The following SERPINA9 variants were observed in gnomAD, a reference collection of about 807,000 sequenced individuals.
The protein encoded by SERPINA9 is serpin family A member 9, also known as serpin A9.
SERPINA9 carries 32 observed loss-of-function variants against 24.5 expected under a neutral mutation model. That is an observed-to-expected ratio of 1.30 (90% CI 0.98 to 1.75). The LOEUF (loss-of-function observed/expected upper bound fraction) is 1.75. SERPINA9 is among the 40% of genes most tolerant of loss of function. The pLI is 0.00. For missense variants in SERPINA9, 594 were observed against 497.1 expected, an observed-to-expected ratio of 1.19 and a Z score of -1.85; for synonymous variants, 233 against 197.7, an observed-to-expected ratio of 1.18 and a Z score of -1.50.
chr14:94,468,727 T>A (rs1233324770), intron 2 of SERPINA9, among the ~76,000 whole-genome samples: 1 of 152,224 alleles, frequency 6.6e-6, no homozygotes, highest in African/African-American at 2.4e-5. Flanking sequence ...TATGCAGTTA[T>A]ATATGAAGGA....
intron 3 of SERPINA9, among the ~76,000 whole-genome samples, chr14:94,465,887 G>A (rs1898981170): frequency 6.6e-6 from 1 of 152,114 alleles, no homozygotes; most frequent in South Asian, 2.1e-4. Flanking sequence ...TTTTAAAGAC[G>A]GTAAAGCTTA....
chr14:94,463,429 A>C (rs1410411288), intron 4 of SERPINA9, 133 bp from the exon 5 acceptor site: 1 of 751,254 alleles, frequency 1.3e-6, no homozygotes, highest in African/African-American at 1.7e-5. Flanking sequence ...AATGCCTGGC[A>C]TTGGGTTTAC....
chr14:94,463,943 G>T (rs1898864797), intron 4 of SERPINA9, among the ~76,000 whole-genome samples: 1 of 152,124 alleles, frequency 6.6e-6, no homozygotes, highest in Non-Finnish European at 1.5e-5. Context: ...CAATGACAAA[G>T]GTCCCCTTCA....
chr14:94,467,530 G>T, intron 2 of SERPINA9, 148 bp from the exon 3 acceptor site: 1 of 663,424 alleles, frequency 1.5e-6, no homozygotes, highest in Non-Finnish European at 2.5e-6. Context: ...CAGCGGAGTA[G>T]TTGCCCAAAC....
chr14:94,475,338 T>A (rs894421041), intron 1 of SERPINA9, among the ~76,000 whole-genome samples: 13 of 152,172 alleles, frequency 8.5e-5, no homozygotes, highest in African/African-American at 3.1e-4. Flanking sequence ...ACCTTTTCCA[T>A]GTCCTTAACC....
In SERPINA9 at chr14:94,469,629, G is replaced by C. The variant is rs1566793741; in HGVS notation, c.212C>G (p.Ser71Cys). The C allele has an allele frequency of 2.5e-6, 4 of 1,614,146 alleles. No homozygotes were observed. The highest frequency in any genetic ancestry group is 1.3e-5 in the African/African-American group (1 of 75,022). ...LETPSQNIFFSPVSVSTSLAM... is the reference protein window; with the variant it reads ...LETPSQNIFFCPVSVSTSLAM... ...CAGGGAAGTGGAGACACTCACAGGG[G>C]AGAAGAAGATGTTCTGACTCGGGGT... The change falls in exon 2 of 5, where the codon TCC becomes TGC. Residue 71 changes from serine (S) to cysteine (C), a missense_variant. Ser to Cys is a moderately radical substitution (Grantham distance 112). Coordinates refer to ENST00000674397, the MANE Select transcript of SERPINA9 (RefSeq NM_175739.4).
chr14:94,475,603 C>T (rs1899572628), intron 1 of SERPINA9, among the ~76,000 whole-genome samples: 2 of 152,280 alleles, frequency 1.3e-5, no homozygotes, highest in Non-Finnish European at 1.5e-5. Context: ...CACCTCCACT[C>T]CACCAATAAA....
intron 4 of SERPINA9, 54 bp downstream of exon 4, chr14:94,464,653 T>C (rs1566789947): frequency 3.5e-6 from 5 of 1,422,176 alleles, no homozygotes; most frequent in Non-Finnish European, 4.9e-6. Context: ...ATGTGATTAA[T>C]TCTGCAGGTG....
At chr14:94,466,050 T>C (rs1898989719) in intron 3 of SERPINA9, among the ~76,000 whole-genome samples, 1 of 152,146 alleles carries the variant, frequency 6.6e-6, no homozygotes, top group South Asian at 2.1e-4. Flanking sequence ...CTGTCCTCTT[T>C]CCCTGTTTTC....
intron 4 of SERPINA9, among the ~76,000 whole-genome samples, chr14:94,463,899 A>T (rs1898862506): frequency 6.6e-6 from 1 of 152,212 alleles, no homozygotes; most frequent in South Asian, 2.1e-4. Flanking sequence ...TGTTCATCAT[A>T]TTCCAGTGGG....
At chr14:94,467,415 C>A in intron 2 of SERPINA9, 33 bp from the exon 3 acceptor site, 2 of 1,559,468 alleles carry the variant, frequency 1.3e-6, no homozygotes, top group South Asian at 2.4e-5. Context: ...GTCTTTATGT[C>A]AAAGTACAAT....
At chr14:94,464,637 A>G (rs1595663084) in intron 4 of SERPINA9, 70 bp downstream of exon 4, 1 of 1,293,370 alleles carries the variant, frequency 7.7e-7, no homozygotes, top group East Asian at 2.3e-5. Flanking sequence ...TCAACGAAAT[A>G]AGAGCATGTG....
At chr14:94,463,576 C>T (rs1012888307) in intron 4 of SERPINA9, among the ~76,000 whole-genome samples, 2 of 152,170 alleles carry the variant, frequency 1.3e-5, no homozygotes, top group Non-Finnish European at 2.9e-5. Context: ...TAAGATGCTG[C>T]GTGCTTCAGG....
Position 94,463,146 on chromosome 14 carries a change from C to T in SERPINA9, c.1201G>A (p.Ala401Thr). 2 of 1,614,190 alleles carry T rather than the reference C, an allele frequency of 1.2e-6. No individual in the cohort carries two copies. Among genetic ancestry groups the T allele is most frequent in the Non-Finnish European group, 1.7e-6 (2 of 1,180,024 alleles). The change falls in exon 5 of 5, where the codon GCC (alanine) becomes ACC (threonine). Residue 401 changes from alanine to threonine, a missense_variant. Physicochemically the swap from Ala to Thr is moderately conservative, Grantham distance 58. Coordinates refer to ENST00000674397, the MANE Select transcript of SERPINA9 (RefSeq NM_175739.4). Reference protein sequence around the residue: ...RTFLMMITNKATDGILFLGKV... With the variant: ...RTFLMMITNKTTDGILFLGKV... The stretch of plus-strand genomic sequence containing the variant: ...CCTAGAAAGAGAATACCGTCTGTGG[C>T]TTTATTTGTAATCATCATCAGGAAG...
intron 1 of SERPINA9, among the ~76,000 whole-genome samples, chr14:94,475,269 T>C (rs1413831026): frequency 6.6e-6 from 1 of 152,154 alleles, no homozygotes; most frequent in Admixed American, 6.5e-5. Context: ...CACCAGCCTT[T>C]ATCCACCCGG....
rs747419955 is a variant in SERPINA9, at chr14:94,463,272, C to A, written c.1075G>T (p.Val359Phe). Residue 359 changes from valine (V) to phenylalanine (F), a missense_variant, in exon 5 of 5, where the codon GTC becomes TTC. Transcript: ENST00000674397. ...GTGGCCTCAGTGCCCTCTTCACTGA[C>A]ATCCAGCACAGCCTTGTGGGTTGCC... ...SKATHKAVLD[V>F]SEEGTEATAA... 2 of 1,614,162 alleles carry A rather than the reference C, an allele frequency of 1.2e-6. No individual in the cohort carries two copies. The highest frequency in any genetic ancestry group is 1.7e-6 in the Non-Finnish European group (2 of 1,180,022).
In SERPINA9 at chr14:94,463,215, A is replaced by T. The variant is rs1293492269; in HGVS notation, c.1132T>A (p.Ser378Thr). The part of the protein sequence containing the change: ...AATTTKFIVR[S>T]KDGPSYFTVS... ...GTGAAGTAAGAGGGGCCATCCTTCG[A>T]TCGGACTATGAACTTGGTGGTGGTA... Residue 378 changes from serine (S) to threonine (T), a missense_variant, in exon 5 of 5, where the codon TCG (serine) becomes ACG (threonine). Transcript: ENST00000674397. 8.7e-6 allele frequency: 14 copies of T among 1,614,184 alleles called. No homozygotes were observed. The highest frequency in any genetic ancestry group is 2.5e-6 in the Non-Finnish European group (3 of 1,180,032).
At chr14:94,473,541 GCAA>G (rs1315727479) in intron 1 of SERPINA9, among the ~76,000 whole-genome samples, 1 of 122,402 alleles carries the variant, frequency 8.2e-6, no homozygotes, top group Non-Finnish European at 1.7e-5. Context: ...AAAAAAAAAA[GCAA>G]CAACAACAAA....
chr14:94,469,746 C>CG lies in SERPINA9; in HGVS notation c.94dup (p.Arg32ProfsTer126), dbSNP rs764866529. On this transcript the variant is annotated frameshift_variant, in exon 2 of 5. Coordinates refer to ENST00000674397, the MANE Select transcript of SERPINA9 (RefSeq NM_175739.4). LOFTEE classifies it high-confidence loss of function. ...AGGGGTGCTCTTTGTGGAGGAAGGGCGGGGGTATGCACTGGGGGCATTGGC... is the reference window on the plus strand; with the variant it reads ...AGGGGTGCTCTTTGTGGAGGAAGGGCGGGGGGTATGCACTGGGGGCATTGGC... The CG allele has an allele frequency of 3.8e-6, 6 of 1,575,738 alleles. No homozygotes were observed. In the African/African-American group the frequency reaches 6.7e-5, roughly 18 times the overall value.
Sources: allele counts gnomAD v4.1 joint callset (sites outside exome capture counted in the v4.1 genomes callset), GRCh38; gene constraint gnomAD v4.1.1; transcripts MANE v1.5; gene names NCBI Gene and HGNC (gene_info 2026-07-23, HGNC 2026-07-21).